The following NBAS variants were observed in gnomAD, a reference collection of about 807,000 sequenced individuals.
NBAS encodes NAG/BC035112 fusion.
A neutral mutation model predicts 302.5 loss-of-function variants in NBAS; 219 were observed. The ratio of observed to expected loss-of-function variants is 0.72; its 90% CI spans 0.65 to 0.81. NBAS has a LOEUF of 0.81. Ranked by LOEUF, NBAS falls within the 30% of genes least tolerant of loss-of-function variation. NBAS has a pLI of 0.00. For missense variants in NBAS, 2,932 were observed against 2,841.6 expected, an observed-to-expected ratio of 1.03 and a Z score of -0.72; for synonymous variants, 1,118 against 1,021.6, an observed-to-expected ratio of 1.09 and a Z score of -1.80.
chr2:15,439,888 G>A (rs145606097), intron 21 of NBAS, among the ~76,000 whole-genome samples: 1,944 of 152,350 alleles, frequency 0.013, 35 homozygotes, highest in East Asian at 0.059. Context: ...CTACGTCCAC[G>A]GAGTCTCCCT....
the NBAS span, among the ~76,000 whole-genome samples, chr2:14,893,530 A>G: frequency 6.6e-6 from 1 of 152,186 alleles, no homozygotes; most frequent in African/African-American, 2.4e-5. Context: ...CAATTTTGGC[A>G]GGAAGTACAT....
the NBAS span, among the ~76,000 whole-genome samples, chr2:15,123,071 A>C: frequency 7.2e-5 from 11 of 152,206 alleles, no homozygotes; most frequent in Non-Finnish European, 1.5e-4. Context: ...TCCCCCAGGA[A>C]CAGCTCAGAG....
intron 21 of NBAS, among the ~76,000 whole-genome samples, chr2:15,454,256 T>C (rs1259070863): frequency 6.6e-6 from 1 of 152,242 alleles, no homozygotes; most frequent in African/African-American, 2.4e-5. Flanking sequence ...TCAATTCTCA[T>C]TGTTCAGTAA....
Position 15,398,143 on chromosome 2 carries a change from G to GT in NBAS, c.3072-1669dup, listed in dbSNP as rs200669871. Among the ~76,000 whole-genome samples the GT allele has an allele frequency of 9.4e-3, 237 of 25,336 alleles. 2 individuals carry two copies. Among genetic ancestry groups the GT allele is most frequent in the Admixed American group, 0.04 (101 of 2,530 alleles). The allele number at this position is 25,336 out of a possible 152,430, so 16.6% of individuals were successfully genotyped here. On this transcript the variant is annotated intron_variant, in intron 26 of 51. Transcript: ENST00000281513. ...TTTTTTTGTTTGTTTGTTTTGTTTT[G>GT]TTTGGTTTGGTTTTGTTTGAGACAG...
At chr2:15,561,104 T>G in intron 1 of NBAS, 84 bp downstream of exon 1, 1 of 588,940 alleles carries the variant, frequency 1.7e-6, no homozygotes, top group Non-Finnish European at 2.8e-6. Context: ...CCGTCTCCAC[T>G]CCCCTACGTG....
chr2:14,993,375 G>A, the NBAS span, among the ~76,000 whole-genome samples: 4 of 152,114 alleles, frequency 2.6e-5, no homozygotes, highest in Non-Finnish European at 4.4e-5. Context: ...GGGGACAGAG[G>A]AGCAAAACCT....
chr2:15,169,569 G>A (rs1429039600), intron 51 of NBAS, among the ~76,000 whole-genome samples: 1 of 152,140 alleles, frequency 6.6e-6, no homozygotes, highest in African/African-American at 2.4e-5. Context: ...CTCTGACAGA[G>A]GCAGGTTCAG....
the NBAS span, among the ~76,000 whole-genome samples, chr2:14,948,860 A>G: frequency 1.3e-5 from 2 of 152,324 alleles, no homozygotes; most frequent in African/African-American, 4.8e-5. Flanking sequence ...CTACAAAGCT[A>G]GTAACCAAAT....
At chr2:14,935,341 T>A in the NBAS span, among the ~76,000 whole-genome samples, 1 of 152,186 alleles carries the variant, frequency 6.6e-6, no homozygotes, top group Admixed American at 6.5e-5. Context: ...ATTTCCTACA[T>A]CTATTTCTTG....
intron 44 of NBAS, among the ~76,000 whole-genome samples, chr2:15,272,230 T>A (rs997665369): frequency 6.6e-6 from 1 of 152,236 alleles, no homozygotes; most frequent in Non-Finnish European, 1.5e-5. Flanking sequence ...GTTCTTGTTA[T>A]GCACTCGAGA....
At chr2:14,843,969 G>C in the NBAS span, among the ~76,000 whole-genome samples, 1 of 151,998 alleles carries the variant, frequency 6.6e-6, no homozygotes, top group Admixed American at 6.6e-5. Context: ...TACAGTCTAG[G>C]CCACAAGGAC....
At chr2:15,181,828 T>A (rs1664839570) in intron 50 of NBAS, among the ~76,000 whole-genome samples, 1 of 152,176 alleles carries the variant, frequency 6.6e-6, no homozygotes, top group Non-Finnish European at 1.5e-5. Context: ...CCCTGGAGTA[T>A]CTAGCATCAA....
chr2:14,865,337 T>C, the NBAS span, among the ~76,000 whole-genome samples: 1 of 117,072 alleles, frequency 8.5e-6, no homozygotes, highest in African/African-American at 3.3e-5. Flanking sequence ...GGGAAGCAGG[T>C]GGGGGTGGGG....
the NBAS span, among the ~76,000 whole-genome samples, chr2:14,954,750 G>T: frequency 6.6e-6 from 1 of 152,114 alleles, no homozygotes; most frequent in Non-Finnish European, 1.5e-5. Flanking sequence ...GATTTCATGA[G>T]AACTCACTCA....
intron 47 of NBAS, among the ~76,000 whole-genome samples, chr2:15,219,374 G>A (rs1170108028): frequency 2.1e-5 from 3 of 144,784 alleles, no homozygotes; most frequent in Non-Finnish European, 4.5e-5. Context: ...TCTCGCAGAG[G>A]GGGATTTGGC....
chr2:15,396,507 CTTAAG>C (rs760919560), intron 26 of NBAS, 32 bp from the exon 27 acceptor site: 74 of 1,477,292 alleles, frequency 5.0e-5, no homozygotes, highest in South Asian at 4.0e-4. Context: ...AAAAAAAGCC[CTTAAG>C]TTTAGTATTA....
chr2:15,445,419 A>G (rs1219633542), intron 21 of NBAS, among the ~76,000 whole-genome samples: 1 of 148,492 alleles, frequency 6.7e-6, no homozygotes, highest in African/African-American at 2.5e-5. Context: ...AAATCCAAAC[A>G]CCGCATATTC....
At chr2:14,850,031 A>C in the NBAS span, among the ~76,000 whole-genome samples, 1 of 138,616 alleles carries the variant, frequency 7.2e-6, no homozygotes, top group Non-Finnish European at 1.5e-5. Flanking sequence ...TAACGAGCAA[A>C]ATAACCAGCT....
the NBAS span, among the ~76,000 whole-genome samples, chr2:15,023,378 T>A: frequency 6.6e-6 from 1 of 152,168 alleles, no homozygotes; most frequent in African/African-American, 2.4e-5. Flanking sequence ...ACCACATGAA[T>A]CATCCTTACT....
Sources: gnomAD v4.1 joint callset for allele counts (sites outside exome capture counted in the v4.1 genomes callset) on GRCh38, gnomAD v4.1.1 for gene constraint, MANE v1.5 for transcripts, NCBI Gene and HGNC (gene_info 2026-07-23, HGNC 2026-07-21) for gene names.